The following SRGAP1 variants were observed in gnomAD, a reference collection of about 807,000 sequenced individuals.
The protein encoded by SRGAP1 is SLIT-ROBO Rho GTPase-activating protein 1.
In SRGAP1, 43 loss-of-function variants were observed where a neutral mutation model predicts 121.9. The ratio of observed to expected loss-of-function variants is 0.35; its 90% CI spans 0.28 to 0.46. SRGAP1 has a LOEUF of 0.46. SRGAP1 is among the 20% of genes least tolerant of loss of function. The pLI is 1.00. For missense variants in SRGAP1, 1,102 were observed against 1,350.9 expected (o/e 0.82, Z 2.89); for synonymous variants, 447 against 485.4 (o/e 0.92, Z 1.04).
At chr12:64,078,107 G>A (rs2035770754) in intron 8 of SRGAP1, among the ~76,000 whole-genome samples, 1 of 152,174 alleles carries the variant, frequency 6.6e-6, no homozygotes. Flanking sequence ...AATACCAACT[G>A]TTGATGAGGA....
chr12:64,048,165 A>G (rs757852445), intron 6 of SRGAP1, among the ~76,000 whole-genome samples: 5 of 151,436 alleles, frequency 3.3e-5, no homozygotes, highest in Non-Finnish European at 7.4e-5. Context: ...CTTCCCAATC[A>G]CCCCCACTAC....
intron 1 of SRGAP1, among the ~76,000 whole-genome samples, chr12:63,937,795 A>G (rs1461709614): frequency 1.3e-5 from 2 of 152,218 alleles, no homozygotes; most frequent in African/African-American, 4.8e-5. Context: ...TGCACTCTAA[A>G]TGCAAAGCCA....
chr12:63,984,293 T>G (rs1249303334), intron 2 of SRGAP1, 151 bp downstream of exon 2: 1 of 406,370 alleles, frequency 2.5e-6, no homozygotes, highest in Non-Finnish European at 4.3e-6. Context: ...ATTTGTAACT[T>G]ATGGGCATCA....
At chr12:63,952,730 C>CT in intron 1 of SRGAP1, among the ~76,000 whole-genome samples, 1 of 152,208 alleles carries the variant, frequency 6.6e-6, no homozygotes, top group Non-Finnish European at 1.5e-5. Context: ...ACAAAGAGCC[C>CT]TGAGTGGAGG....
chr12:63,962,076 C>G (rs1352762852), intron 1 of SRGAP1, among the ~76,000 whole-genome samples: 1 of 152,170 alleles, frequency 6.6e-6, no homozygotes, highest in Non-Finnish European at 1.5e-5. Context: ...CTGCTTCCCT[C>G]TGTGTGGTTA....
At chr12:64,120,413 A>T (rs2036588132) in intron 18 of SRGAP1, 1 of 152,204 alleles carries the variant, frequency 6.6e-6, no homozygotes, top group Non-Finnish European at 1.5e-5. Flanking sequence ...CAGGTAGTGC[A>T]AATTTAAACT....
intron 2 of SRGAP1, among the ~76,000 whole-genome samples, chr12:63,984,840 AC>A (rs1330868808): frequency 6.6e-6 from 1 of 151,940 alleles, no homozygotes; most frequent in Non-Finnish European, 1.5e-5. Flanking sequence ...ATATGGTGAA[AC>A]CCCGTCTCTA....
At chr12:64,076,912 G>A (rs972300648) in intron 8 of SRGAP1, among the ~76,000 whole-genome samples, 2 of 152,020 alleles carry the variant, frequency 1.3e-5, no homozygotes, top group Non-Finnish European at 2.9e-5. Flanking sequence ...CAAAGTGCTG[G>A]GATTACAGGT....
intron 1 of SRGAP1, among the ~76,000 whole-genome samples, chr12:63,945,108 C>A (rs1352130789): frequency 6.6e-6 from 1 of 152,168 alleles, no homozygotes; most frequent in Non-Finnish European, 1.5e-5. Context: ...ATCATTTTGA[C>A]ATCCTCTTTC....
chr12:63,967,096 G>T (rs903529592), intron 1 of SRGAP1, among the ~76,000 whole-genome samples: 1 of 152,148 alleles, frequency 6.6e-6, no homozygotes, highest in Non-Finnish European at 1.5e-5. Context: ...ATTTCTGTGA[G>T]CCGTTTGGGA....
chr12:64,133,028 T>C (rs1245067664), intron 21 of SRGAP1, among the ~76,000 whole-genome samples: 1 of 152,082 alleles, frequency 6.6e-6, no homozygotes, highest in Non-Finnish European at 1.5e-5. Context: ...GCACTTGGAG[T>C]CACCACTTGG....
chr12:63,874,902 C>T (rs926479284), intron 1 of SRGAP1, among the ~76,000 whole-genome samples: 21 of 152,082 alleles, frequency 1.4e-4, no homozygotes, highest in African/African-American at 2.9e-4. Flanking sequence ...TATCCTCTAT[C>T]GTCTTTGGTC....
intron 11 of SRGAP1, among the ~76,000 whole-genome samples, chr12:64,087,507 G>C (rs1442533266): frequency 2.0e-5 from 3 of 152,146 alleles, no homozygotes; most frequent in African/African-American, 7.2e-5. Flanking sequence ...ACTGAGGCGG[G>C]TGGATCACCT....
intron 8 of SRGAP1, among the ~76,000 whole-genome samples, chr12:64,068,961 G>T (rs1169673901): frequency 6.7e-6 from 1 of 149,148 alleles, no homozygotes; most frequent in African/African-American, 2.5e-5. Flanking sequence ...AGTGAGCCGA[G>T]ATCATGCCAC....
chr12:64,138,529 C>T (rs1331346113), intron 21 of SRGAP1, among the ~76,000 whole-genome samples: 2 of 144,808 alleles, frequency 1.4e-5, no homozygotes, highest in Non-Finnish European at 3.0e-5. Flanking sequence ...GGCGCCATCT[C>T]GGCTCATTGC....
rs781701925 is a variant in SRGAP1 at position 63,855,473 on chromosome 12, G to GTTTTTTTTTTTTTT, written c.67+10609_67+10622dup. Among the ~76,000 whole-genome samples the GTTTTTTTTTTTTTT allele has an allele frequency of 7.6e-5, 4 of 52,938 alleles. 1 individual carries two copies. The highest frequency in any genetic ancestry group is 2.1e-4 in the African/African-American group (3 of 14,028). 34.7% of individuals were successfully genotyped at this position (52,938 alleles called of 152,430 possible). On this transcript the variant is annotated intron_variant, in intron 1 of 21. Transcript: ENST00000355086. ...AGCAGCAGTCAACATGAAAAATGGTGTTTTTTTTTTTTTTTTTTTTTTTTT... is the reference window on the plus strand; with the variant it reads ...AGCAGCAGTCAACATGAAAAATGGTGTTTTTTTTTTTTTTTTTTTTTTTTTTTTTTTTTTTTTTT...
chr12:64,103,067 C>T (rs1347320820), intron 15 of SRGAP1, among the ~76,000 whole-genome samples: 1 of 152,132 alleles, frequency 6.6e-6, no homozygotes, highest in East Asian at 1.9e-4. Flanking sequence ...CTCACTGCAA[C>T]CTCCTAGGCT....
intron 4 of SRGAP1, among the ~76,000 whole-genome samples, chr12:64,029,135 C>T (rs1042940766): frequency 9.9e-5 from 15 of 152,266 alleles, no homozygotes; most frequent in African/African-American, 3.6e-4. Flanking sequence ...TCTTTTAGGA[C>T]AGTGCTCCTC....
chr12:63,893,031 A>G (rs1900639180), intron 1 of SRGAP1, among the ~76,000 whole-genome samples: 1 of 152,196 alleles, frequency 6.6e-6, no homozygotes, highest in Non-Finnish European at 1.5e-5. Context: ...CAGTAAATTT[A>G]AGTACCAAAT....
Sources: allele counts gnomAD v4.1 joint callset (sites outside exome capture counted in the v4.1 genomes callset), GRCh38; gene constraint gnomAD v4.1.1; transcripts MANE v1.5; gene names NCBI Gene and HGNC (gene_info 2026-07-23, HGNC 2026-07-21).